RNF126: variants seen among roughly 807,000 people sequenced by gnomAD.
RNF126 encodes E3 ubiquitin-protein ligase RNF126.
In RNF126, 20 loss-of-function variants were observed where a neutral mutation model predicts 41.9. The ratio of observed to expected loss-of-function variants is 0.48; its 90% confidence interval spans 0.34 to 0.69. The LOEUF is 0.69. RNF126 is among the 30% of genes least tolerant of loss of function. RNF126 has a pLI of 0.01. For missense variants in RNF126, 433 were observed against 460.6 expected, an observed-to-expected ratio of 0.94 and a Z score of 0.55; for synonymous variants, 239 against 202.9, an observed-to-expected ratio of 1.18 and a Z score of -1.51.
At chr19:650,419 T>C (rs1047088182) in intron 4 of RNF126, 123 bp from the exon 5 acceptor site, 5 of 775,626 alleles carry the variant, frequency 6.4e-6, no homozygotes, top group Non-Finnish European at 1.0e-5. Flanking sequence ...TTAGCTTCTA[T>C]TTATTTATTT....
chr19:652,122 C>T, intron 3 of RNF126, 111 bp downstream of exon 3: 1 of 976,202 alleles, frequency 1.0e-6, no homozygotes, highest in Non-Finnish European at 1.4e-6. Flanking sequence ...GGAAAAATTT[C>T]CTCCGCCGTG....
chr19:655,709 G>A (rs137868233), intron 1 of RNF126, among the ~76,000 whole-genome samples: 114 of 152,286 alleles, frequency 7.5e-4, no homozygotes, highest in Non-Finnish European at 1.5e-3. Context: ...AGACCCCAGA[G>A]AAACGAAGAC....
At chr19:662,879 C>A (rs895024986) in intron 1 of RNF126, among the ~76,000 whole-genome samples, 168 bp downstream of exon 1, 3 of 152,042 alleles carry the variant, frequency 2.0e-5, no homozygotes, top group African/African-American at 7.2e-5. Context: ...GCGCACCGCC[C>A]GGGCTCCCCG....
intron 5 of RNF126, 78 bp from the exon 6 acceptor site, chr19:649,826 C>T: frequency 8.2e-7 from 1 of 1,215,450 alleles, no homozygotes; most frequent in Middle Eastern, 2.2e-4. Flanking sequence ...TCACCAGGGG[C>T]CCAGGCTGGG....
Position 656,381 on chromosome 19 carries a change from C to T in RNF126, c.76-3497G>A, listed in dbSNP as rs111304730. ...AAACAAAGAAAAAAAGGGCTGGGCACAGTGGCTCACACCTGTAATCCTAGC... is the reference window on the plus strand; with the variant it reads ...AAACAAAGAAAAAAAGGGCTGGGCATAGTGGCTCACACCTGTAATCCTAGC... On this transcript the variant is annotated intron_variant, in intron 1 of 8. Transcript: ENST00000292363. Among the ~76,000 whole-genome samples, 1,128 of 152,096 alleles carry T rather than the reference C, an allele frequency of 7.4e-3. 12 individuals are homozygous for T. The highest frequency in any genetic ancestry group is 0.011 in the Non-Finnish European group (739 of 67,980).
Position 659,099 on chromosome 19 carries a change from G to A in RNF126, c.75+3948C>T, listed in dbSNP as rs534645152. Among the ~76,000 whole-genome samples the A allele has an allele frequency of 1.1e-4, 17 of 152,346 alleles. No homozygotes were observed. Among genetic ancestry groups the A allele is most frequent in the African/African-American group, 3.8e-4 (16 of 41,590 alleles). Reference sequence around the variant, plus strand: ...CCGGAGAACCCAGCTGTGCAGAGCCGCTCCAGGGTGCTGGCCGGACGCTTG... The same window carrying A: ...CCGGAGAACCCAGCTGTGCAGAGCCACTCCAGGGTGCTGGCCGGACGCTTG... On this transcript the variant is annotated intron_variant, in intron 1 of 8. Coordinates refer to ENST00000292363, the MANE Select transcript of RNF126 (RefSeq NM_194460.3). This position sits in a 1 kb window ranked among gnomAD's most constrained non-coding sequence, Gnocchi z 4.9.
rs1419405402 is a variant in RNF126 at position 659,342 on chromosome 19, G to A, written c.75+3705C>T. On this transcript the variant is annotated intron_variant, in intron 1 of 8. Coordinates refer to ENST00000292363, the MANE Select transcript of RNF126 (RefSeq NM_194460.3). This position sits in a 1 kb window ranked among gnomAD's most constrained non-coding sequence, Gnocchi z 4.9. Reference sequence around the variant, plus strand: ...CCGTAGCAGCCCTCACTTCCTGGTGGCTCCCCGCCCACGCCGGCTCTTCCC... The same window carrying A: ...CCGTAGCAGCCCTCACTTCCTGGTGACTCCCCGCCCACGCCGGCTCTTCCC... Among the ~76,000 whole-genome samples, 1 of 152,136 alleles carries A rather than the reference G, an allele frequency of 6.6e-6. No individual in the cohort carries two copies. Among genetic ancestry groups the A allele is most frequent in the Non-Finnish European group, 1.5e-5 (1 of 68,004 alleles).
chr19:657,288 G>A (rs1198696629), intron 1 of RNF126, among the ~76,000 whole-genome samples: 2 of 152,212 alleles, frequency 1.3e-5, no homozygotes, highest in Non-Finnish European at 2.9e-5. Context: ...TGGTCCCCAT[G>A]TGCCGAGCTC....
Position 651,847 on chromosome 19 carries a change from G to A in RNF126, c.207C>T (p.Asp69=), listed in dbSNP as rs1476343355. ...CCTGCGGCAGCGTGAACAGGTGCTG[G>A]TCCACGTGCTGGGGAGAGGAGGGGG... ...DQSRPPLEHV[D]QHLFTLPQGY... Residue 69 remains aspartate (D), a synonymous_variant, in exon 4 of 9, where the codon GAC becomes GAT. Transcript: ENST00000292363. 1.9e-6 allele frequency: 3 copies of A among 1,609,178 alleles called. No homozygotes were observed. The highest frequency in any genetic ancestry group is 2.5e-6 in the Non-Finnish European group (3 of 1,178,216).
At position 652,395 on chromosome 19, in the gene RNF126, G is replaced by A. The variant is rs1600633572; in HGVS notation, c.135-99C>T. ...AGCCTATGTTGGGAGAGCAGGAATT[G>A]TCCTTGGCACTGCTTCCCACCCGCC... On this transcript the variant is annotated intron_variant, in intron 2 of 8. Coordinates refer to ENST00000292363, the MANE Select transcript of RNF126 (RefSeq NM_194460.3). The A allele has an allele frequency of 3.6e-6, 4 of 1,113,722 alleles. No homozygotes were observed. The East Asian group carries it at 8.0e-5, about 22-fold the overall frequency. The allele number at this position is 1,113,722 out of a possible 1,614,324, so 69.0% of individuals were successfully genotyped here.
At position 648,435 on chromosome 19, in the gene RNF126, A is replaced by C; in HGVS notation, c.723T>G (p.Arg241=). Residue 241 remains arginine, a synonymous_variant, in exon 8 of 9, where the codon CGT becomes CGG. Coordinates refer to ENST00000292363, the MANE Select transcript of RNF126 (RefSeq NM_194460.3). Reference sequence around the variant, plus strand: ...GGTGGTTGCAGGGCAGCTGCCGCACACGCTCACCCAGCGCGTAGTCGTCCT... The same window carrying C: ...GGTGGTTGCAGGGCAGCTGCCGCACCCGCTCACCCAGCGCGTAGTCGTCCT... The part of the protein sequence containing the change: ...VCKDDYALGE[R]VRQLPCNHLF... 6.3e-7 allele frequency: 1 copy of C among 1,591,194 alleles called. No homozygotes were observed. The highest frequency in any genetic ancestry group is 8.5e-7 in the Non-Finnish European group (1 of 1,172,130).
At chr19:649,792 G>C in intron 5 of RNF126, 44 bp from the exon 6 acceptor site, 1 of 1,466,962 alleles carries the variant, frequency 6.8e-7, no homozygotes, top group Non-Finnish European at 9.3e-7. Context: ...GGGCAGCTGG[G>C]GCAGGTGCGT....
intron 1 of RNF126, among the ~76,000 whole-genome samples, chr19:657,810 T>C (rs1600640875): frequency 6.6e-6 from 1 of 152,104 alleles, no homozygotes; most frequent in Non-Finnish European, 1.5e-5. Context: ...AAGTGACAGG[T>C]GGATCCCGGA....
intron 1 of RNF126, among the ~76,000 whole-genome samples, chr19:660,604 C>G (rs1453093923): frequency 6.6e-6 from 1 of 152,216 alleles, no homozygotes; most frequent in East Asian, 1.9e-4. Context: ...CTCCCCAGAA[C>G]AAACGCCAGG....
chr19:652,497 G>GCAGACCCCAA (rs927609648), intron 2 of RNF126: 9 of 604,276 alleles, frequency 1.5e-5, no homozygotes, highest in Non-Finnish European at 2.6e-5. Flanking sequence ...ATAAACCGGT[G>GCAGACCCCAA]CAGACCCCAA....
chr19:661,573 C>G (rs1204954586), intron 1 of RNF126, among the ~76,000 whole-genome samples: 4 of 152,058 alleles, frequency 2.6e-5, no homozygotes, highest in African/African-American at 9.7e-5. Flanking sequence ...GAAACCACAC[C>G]TCTCTCTTTC....
intron 4 of RNF126, among the ~76,000 whole-genome samples, chr19:650,763 T>C (rs1416397238): frequency 6.6e-6 from 1 of 152,088 alleles, no homozygotes; most frequent in African/African-American, 2.4e-5. Context: ...TGGCTAATTT[T>C]TGTATTCTTA....
chr19:651,091 A>T (rs114467127), intron 4 of RNF126, among the ~76,000 whole-genome samples: 1,943 of 152,126 alleles, frequency 0.013, 46 homozygotes, highest in African/African-American at 0.044. Context: ...AAAAGCATCA[A>T]CCGCCAGGAG....
intron 1 of RNF126, among the ~76,000 whole-genome samples, chr19:662,091 G>A (rs2030827471): frequency 6.6e-6 from 1 of 152,192 alleles, no homozygotes; most frequent in Admixed American, 6.5e-5. Flanking sequence ...GGCTGAGCCA[G>A]AAGAATCGCT....
Sources: allele counts gnomAD v4.1 joint callset (sites outside exome capture counted in the v4.1 genomes callset), GRCh38; gene constraint gnomAD v4.1.1; non-coding constraint Gnocchi (gnomAD v3.1); transcripts MANE v1.5; gene names NCBI Gene and HGNC (gene_info 2026-07-23, HGNC 2026-07-21).